Variants in SIX5 observed in about 807,000 individuals in gnomAD.
SIX5 encodes SIX homeobox 5.
Under a neutral mutation model 37.1 loss-of-function variants are expected in SIX5, and 21 were observed. The observed-to-expected ratio is 0.57, with a 90% CI of 0.40 to 0.81. The LOEUF (loss-of-function observed/expected upper bound fraction) is 0.81. SIX5 is among the 40% of genes least tolerant of loss of function. The pLI is 0.00. For missense variants in SIX5, 1,137 were observed against 1,025.1 expected, an observed-to-expected ratio of 1.11 and a Z score of -1.49; for synonymous variants, 626 against 505.9, an observed-to-expected ratio of 1.24 and a Z score of -3.19.
At chr19:45,767,395 C>A (rs1969100641) in intron 1 of SIX5, among the ~76,000 whole-genome samples, 1 of 152,150 alleles carries the variant, frequency 6.6e-6, no homozygotes, top group African/African-American at 2.4e-5. Flanking sequence ...GGCCTCGGGT[C>A]CCCAGAGGCT....
chr19:45,768,728 C>T lies in SIX5; in HGVS notation c.117G>A (p.Leu39=), dbSNP rs916973544. 3 of 1,460,388 alleles carry T rather than the reference C, an allele frequency of 2.1e-6. No homozygotes were observed. The highest frequency in any genetic ancestry group is 1.3e-5 in the South Asian group (1 of 74,928). 90.5% of individuals were successfully genotyped at this position (1,460,388 alleles called of 1,614,324 possible). Residue 39 remains leucine, a synonymous_variant, in exon 1 of 3, where the codon TTG becomes TTA. Transcript: ENST00000317578. ...CCGCCGCCTCACCCTCGGCCGCCTG[C>T]AAAGTCTGCAAGAGCTGGCGCGCTT... ...EEEARQLLQT[L]QAAEGEAAAA...
chr19:45,769,106 T>TC lies in SIX5; in HGVS notation c.-263dup. ...TCCGCCTCTGGCCGCGCTTTCTGCC[T>TC]CCCCCCAGCGTGTGCTTCTGGCTCA... On this transcript the variant is annotated 5_prime_UTR_variant, in exon 1 of 3. Transcript: ENST00000317578. 2.2e-6 allele frequency: 1 copy of TC among 460,312 alleles called. No homozygotes were observed. 28.5% of individuals were successfully genotyped at this position (460,312 alleles called of 1,614,324 possible).
In SIX5 at chr19:45,767,149, A is replaced by G. The variant is rs1969095405; in HGVS notation, c.810T>C (p.Ser270=). 1.2e-6 allele frequency: 2 copies of G among 1,611,818 alleles called. No homozygotes were observed. The highest frequency in any genetic ancestry group is 2.7e-5 in the African/African-American group (2 of 74,872). Residue 270 remains serine, a synonymous_variant, in exon 2 of 3, where the codon TCT becomes TCC. Transcript: ENST00000317578. Reference sequence around the variant, plus strand: ...CGTCCTCAGTCGTGGGATTCCCATCAGACTCGCTGGCCGGAGAAATGGCTG... The same window carrying G: ...CGTCCTCAGTCGTGGGATTCCCATCGGACTCGCTGGCCGGAGAAATGGCTG... The part of the protein sequence containing the change: ...AGGGAPCKSE[S]DGNPTTEDES...
Position 45,764,946 on chromosome 19 carries a change from C to T in SIX5, c.*555G>A, listed in dbSNP as rs958523198. On this transcript the variant is annotated 3_prime_UTR_variant, in exon 3 of 3. Transcript: ENST00000317578. ...GGATAATGAGGACAAGGGCTTGAGT[C>T]GAGGGGAGCTGGTGAAGGAAGACCC... 2.1e-5 allele frequency: 4 copies of T among 186,638 alleles called. No individual in the cohort carries two copies. The highest frequency in any genetic ancestry group is 1.3e-4 in the East Asian group (1 of 7,952). The allele number at this position is 186,638 out of a possible 1,614,324, so 11.6% of individuals were successfully genotyped here. A position where few individuals can be genotyped will look rare whatever the true frequency, so the allele number is the denominator to read the frequency against.
intron 2 of SIX5, 32 bp from the exon 3 acceptor site, chr19:45,766,143 G>C: frequency 6.2e-7 from 1 of 1,600,334 alleles, no homozygotes; most frequent in Admixed American, 1.7e-5. Flanking sequence ...GCGCAGGTGA[G>C]AGCCAGGAGA....
At position 45,765,728 on chromosome 19, in the gene SIX5, A is replaced by G. The variant is rs752829855; in HGVS notation, c.1993T>C (p.Trp665Arg). ...GCGCTTAGTTCCAGCCCTGCTGACC[A>G]GACAGGCACGGCCGCGGGTGACAAC... is the stretch of plus-strand genomic sequence containing the variant. ...LMLSPAAVPV[W>R]SAGLELSAGT... The change falls in exon 3 of 3, where the codon TGG becomes CGG. Residue 665 changes from tryptophan (W) to arginine (R), a missense_variant. Physicochemically the swap from Trp to Arg is moderately radical, Grantham distance 101 (BLOSUM62 -3). This residue lies in a region of SIX5 where 787 missense variants were observed against 621.4 expected (regional missense o/e 1.27). Coordinates refer to ENST00000317578, the MANE Select transcript of SIX5 (RefSeq NM_175875.5). The G allele has an allele frequency of 1.2e-6, 2 of 1,612,620 alleles. No homozygotes were observed. Among genetic ancestry groups the G allele is most frequent in the South Asian group, 2.2e-5 (2 of 91,088 alleles).
chr19:45,766,230 C>A, intron 2 of SIX5, 119 bp from the exon 3 acceptor site: 27 of 1,497,472 alleles, frequency 1.8e-5, no homozygotes, highest in Non-Finnish European at 2.4e-5. Context: ...GGCCTTGGGG[C>A]ACTGGGACTT....
At chr19:45,766,234 G>A (rs911033829) in intron 2 of SIX5, 116 bp downstream of exon 2, 14 of 1,494,628 alleles carry the variant, frequency 9.4e-6, no homozygotes, top group Non-Finnish European at 1.3e-5. Context: ...TTGGGGCACT[G>A]GGACTTGCCA....
chr19:45,766,314 C>G (rs1056470375), intron 2 of SIX5, 36 bp downstream of exon 2: 3 of 1,542,094 alleles, frequency 1.9e-6, no homozygotes, highest in Admixed American at 3.9e-5. Flanking sequence ...CCCTCCCCGG[C>G]TCTCACCTAG....
At position 45,766,844 on chromosome 19, in the gene SIX5, G is replaced by A. The variant is rs1969086843; in HGVS notation, c.1115C>T (p.Pro372Leu). ...GGTCTCGCTGGCCCCCTGAGGGCTG[G>A]GCTGCGGTGGAGGGGCACCCCCGCC... ...TGGGGAPPPQ[P>L]SPQGASETKT... is the part of the protein sequence containing the mutation. The change falls in exon 2 of 3, where the codon CCC becomes CTC. Residue 372 changes from proline to leucine, a missense_variant. By Grantham distance (98) the Pro-to-Leu change is moderately conservative (BLOSUM62 -3). This residue lies in a region of SIX5 where 787 missense variants were observed against 621.4 expected (regional missense o/e 1.27). Transcript: ENST00000317578. The A allele has an allele frequency of 1.3e-6, 2 of 1,543,274 alleles. No individual in the cohort carries two copies. Among genetic ancestry groups the A allele is most frequent in the South Asian group, 1.2e-5 (1 of 84,400 alleles).
intron 2 of SIX5, 105 bp downstream of exon 2, chr19:45,766,245 G>A (rs1485699285): frequency 1.3e-6 from 2 of 1,492,602 alleles, no homozygotes; most frequent in South Asian, 1.3e-5. Context: ...GGACTTGCCA[G>A]GGATGAGATG....
Position 45,766,601 on chromosome 19 carries a change from A to G in SIX5, c.1358T>C (p.Val453Ala). 13 of 1,468,758 alleles carry G rather than the reference A, an allele frequency of 8.9e-6. No homozygotes were observed. The highest frequency in any genetic ancestry group is 1.2e-5 in the Non-Finnish European group (13 of 1,106,490). 91.0% of individuals were successfully genotyped at this position (1,468,758 alleles called of 1,614,324 possible). A position where few individuals can be genotyped will look rare whatever the true frequency, so the allele number is the denominator to read the frequency against. The change falls in exon 2 of 3, where the codon GTG becomes GCG. Residue 453 changes from valine to alanine, a missense_variant. This residue lies in a region of SIX5 where 787 missense variants were observed against 621.4 expected (regional missense o/e 1.27). Coordinates refer to ENST00000317578, the MANE Select transcript of SIX5 (RefSeq NM_175875.5). ...CCCCGGGGGTGGGGAGAGCGGTACC[A>G]CTTGTGGGGCAGCCACAGCAGGCAC... ...GPVPAVAAPQ[V>A]VPLSPPPGYP... is the part of the protein sequence containing the mutation.
chr19:45,768,883 C>T lies in SIX5; in HGVS notation c.-39G>A. ...GGGAAGTTCCTCCCTCCCTCTCTTC[C>T]TCCCTCGGGCTTTCCCCAGCCTCCT... On this transcript the variant is annotated 5_prime_UTR_variant, in exon 1 of 3. Transcript: ENST00000317578. 6.6e-7 allele frequency: 1 copy of T among 1,516,826 alleles called. No homozygotes were observed. Among genetic ancestry groups the T allele is most frequent in the Non-Finnish European group, 8.8e-7 (1 of 1,134,408 alleles). The allele number at this position is 1,516,826 out of a possible 1,614,324, so 94.0% of individuals were successfully genotyped here. A position where few individuals can be genotyped will look rare whatever the true frequency, so the allele number is the denominator to read the frequency against.
chr19:45,766,362 C>T lies in SIX5; in HGVS notation c.1597G>A (p.Ala533Thr), dbSNP rs375231268. 4 of 1,587,042 alleles carry T rather than the reference C, an allele frequency of 2.5e-6. No homozygotes were observed. The highest frequency in any genetic ancestry group is 2.3e-5 in the East Asian group (1 of 43,394). The change falls in exon 2 of 3, where the codon GCC (alanine) becomes ACC (threonine). Residue 533 changes from alanine (A) to threonine (T), a missense_variant. Physicochemically the swap from Ala to Thr is moderately conservative, Grantham distance 58 (BLOSUM62 0). This residue lies in a region of SIX5 where 787 missense variants were observed against 621.4 expected (regional missense o/e 1.27). Transcript: ENST00000317578. Reference sequence around the variant, plus strand: ...GAGATGGGGGTACCTGGGGCAGTGGCCGAAGGCAGCTGCAGGGCAGTCACG... The same window carrying T: ...GAGATGGGGGTACCTGGGGCAGTGGTCGAAGGCAGCTGCAGGGCAGTCACG... ...VGVTALQLPS[A>T]TAPGNFLLAN...
Position 45,767,253 on chromosome 19 carries a change from C to T in SIX5, c.804-98G>A, listed in dbSNP as rs1382799672. The T allele has an allele frequency of 3.9e-6, 5 of 1,293,566 alleles. No homozygotes were observed. The Admixed American group carries it at 5.9e-5, about 15-fold the overall frequency. 80.1% of individuals were successfully genotyped at this position (1,293,566 alleles called of 1,614,324 possible). ...CCCCACCTTTCCCTGGCCCAAGTTT[C>T]GGTGGATCATTCCAGGGGTTATGAC... is the stretch of plus-strand genomic sequence containing the variant. On this transcript the variant is annotated intron_variant, in intron 1 of 2. Transcript: ENST00000317578.
At position 45,768,091 on chromosome 19, in the gene SIX5, G is replaced by A; in HGVS notation, c.754C>T (p.Arg252Trp). 1.2e-6 allele frequency: 2 copies of A among 1,603,116 alleles called. No individual in the cohort carries two copies. Among genetic ancestry groups the A allele is most frequent in the East Asian group, 2.2e-5 (1 of 44,748 alleles). The change falls in exon 1 of 3, where the codon CGG becomes TGG. Residue 252 changes from arginine to tryptophan, a missense_variant. Around this residue, in one of 3 missense-constraint regions of SIX5, gnomAD observed 19 missense variants for 42.8 expected, o/e 0.44. Transcript: ENST00000317578. ...LTQVSNWFKN[R>W]RQRDRTGAGG... ...GCCCCGGTCCGGTCGCGCTGTCGCC[G>A]GTTCTTGAACCAGTTGCTGACCTGC...
chr19:45,766,135 G>C (rs775796800), intron 2 of SIX5, 24 bp from the exon 3 acceptor site: 5 of 1,604,672 alleles, frequency 3.1e-6, no homozygotes, highest in Non-Finnish European at 4.3e-6. Flanking sequence ...GGGACCGAGC[G>C]CAGGTGAGAG....
In SIX5 at chr19:45,765,913, G is replaced by C; in HGVS notation, c.1808C>G (p.Ala603Gly). 6.3e-7 allele frequency: 1 copy of C among 1,588,122 alleles called. No homozygotes were observed. Among genetic ancestry groups the C allele is most frequent in the Non-Finnish European group, 8.6e-7 (1 of 1,167,732 alleles). Residue 603 changes from alanine (A) to glycine (G), a missense_variant, in exon 3 of 3, where the codon GCC becomes GGC. Ala to Gly is a moderately conservative substitution (Grantham distance 60, BLOSUM62 0). Coordinates refer to ENST00000317578, the MANE Select transcript of SIX5 (RefSeq NM_175875.5). ...AGCCTCTGGGAGAGCAGGGCTGGGGGCCACCGGGAGGCCTCCCTCAGGCAC... is the reference window on the plus strand; with the variant it reads ...AGCCTCTGGGAGAGCAGGGCTGGGGCCCACCGGGAGGCCTCCCTCAGGCAC... ...ISVPEGGLPV[A>G]PSPALPEAHA...
rs1969162057 is a variant in SIX5, at chr19:45,768,933, C to T, written c.-89G>A. 8.1e-7 allele frequency: 1 copy of T among 1,231,580 alleles called. No individual in the cohort carries two copies. The highest frequency in any genetic ancestry group is 1.1e-6 in the Non-Finnish European group (1 of 892,022). The allele number at this position is 1,231,580 out of a possible 1,614,324, so 76.3% of individuals were successfully genotyped here. On this transcript the variant is annotated 5_prime_UTR_variant, in exon 1 of 3. Transcript: ENST00000317578. ...TCCCCCACCTGTCCCCCCTTTTCGC[C>T]CCCACTCCCCGCTCTTCTCGATCTT...
Sources: allele counts gnomAD v4.1 joint callset (sites outside exome capture counted in the v4.1 genomes callset), GRCh38; gene constraint gnomAD v4.1.1; regional missense constraint gnomAD v4.1.1; transcripts MANE v1.5; gene names NCBI Gene and HGNC (gene_info 2026-07-23, HGNC 2026-07-21).